Variants in MSTO1 observed in about 807,000 individuals in gnomAD.
MSTO1 encodes protein misato homolog 1.
A neutral mutation model predicts 55.7 loss-of-function variants in MSTO1; 24 were observed. That is an observed-to-expected ratio of 0.43 (90% CI 0.31 to 0.61). The LOEUF is 0.61. Ranked by LOEUF, MSTO1 falls within the 20% of genes least tolerant of loss-of-function variation. MSTO1 has a pLI of 0.09. For synonymous variants in MSTO1, 162 were observed against 252.8 expected, an observed-to-expected ratio of 0.64 and a Z score of 3.41; for missense variants, 363 against 625.7, an observed-to-expected ratio of 0.58 and a Z score of 4.48.
At chr1:155,603,907 G>C in the MSTO1 span, among the ~76,000 whole-genome samples, 1 of 151,706 alleles carries the variant, frequency 6.6e-6, no homozygotes, top group Admixed American at 6.6e-5. Flanking sequence ...TTTTTTGGTA[G>C]AAGTTCTTTT....
chr1:155,579,557 T>C, the MSTO1 span, among the ~76,000 whole-genome samples: 1 of 152,150 alleles, frequency 6.6e-6, no homozygotes, highest in Admixed American at 6.6e-5. Flanking sequence ...GAGTCAAACA[T>C]AGATTTCAAT....
chr1:155,611,544 C>T lies in MSTO1; in HGVS notation c.367-5C>T, dbSNP rs759667113. On this transcript the variant is annotated splice_region_variant and splice_polypyrimidine_tract_variant and intron_variant, in intron 4 of 13. Transcript: ENST00000245564. ...CTAAATGTCGATTTTTCTGACCCCT[C>T]CCAGGGAGTGCTGAGTAGTGATGGT... 3.1e-6 allele frequency: 5 copies of T among 1,610,678 alleles called. No homozygotes were observed. Among genetic ancestry groups the T allele is most frequent in the Non-Finnish European group, 4.2e-6 (5 of 1,178,174 alleles).
rs1257806486 is a variant in MSTO1 at position 155,614,421 on chromosome 1, C to G, written c.*148C>G. 4.6e-5 allele frequency: 27 copies of G among 589,122 alleles called. No homozygotes were observed. Among genetic ancestry groups the G allele is most frequent in the Non-Finnish European group, 7.9e-5 (26 of 330,190 alleles). The allele number at this position is 589,122 out of a possible 1,614,324, so 36.5% of individuals were successfully genotyped here. A position where few individuals can be genotyped will look rare whatever the true frequency, so the allele number is the denominator to read the frequency against. ...ACATTTAGAAACACTGTGATTAGAC[C>G]ACAGAACAATAAATATGTGCCATCA... On this transcript the variant is annotated 3_prime_UTR_variant, in exon 14 of 14. Transcript: ENST00000245564.
In MSTO1 at chr1:155,614,443, A is replaced by G; in HGVS notation, c.*170A>G. 4 of 599,362 alleles carry G rather than the reference A, an allele frequency of 6.7e-6. No individual in the cohort carries two copies. The highest frequency in any genetic ancestry group is 1.2e-5 in the Non-Finnish European group (4 of 334,746). The allele number at this position is 599,362 out of a possible 1,614,324, so 37.1% of individuals were successfully genotyped here. Reference sequence around the variant, plus strand: ...GACCACAGAACAATAAATATGTGCCATCAGACCAAAAAAAAGTAGAGAAAG... The same window carrying G: ...GACCACAGAACAATAAATATGTGCCGTCAGACCAAAAAAAAGTAGAGAAAG... On this transcript the variant is annotated 3_prime_UTR_variant, in exon 14 of 14. Coordinates refer to ENST00000245564, the MANE Select transcript of MSTO1 (RefSeq NM_018116.4).
At chr1:155,575,798 T>A in the MSTO1 span, among the ~76,000 whole-genome samples, 142 of 131,504 alleles carry the variant, frequency 1.1e-3, 1 homozygote, top group African/African-American at 3.8e-3. Flanking sequence ...TATTTTATTT[T>A]TATTTATTTA....
the MSTO1 span, among the ~76,000 whole-genome samples, chr1:155,567,481 T>G: frequency 6.6e-6 from 1 of 151,822 alleles, no homozygotes; most frequent in East Asian, 1.9e-4. Flanking sequence ...CCGGCTAATT[T>G]TTTTGTATTT....
At chr1:155,566,803 T>C in the MSTO1 span, among the ~76,000 whole-genome samples, 1 of 151,680 alleles carries the variant, frequency 6.6e-6, no homozygotes, top group Non-Finnish European at 1.5e-5. Context: ...TTAGTAGAGA[T>C]GGGGTTTCTC....
At chr1:155,587,180 G>A in the MSTO1 span, among the ~76,000 whole-genome samples, 31,926 of 152,104 alleles carry the variant, frequency 0.21, 4,440 homozygotes, top group East Asian at 0.68. Flanking sequence ...CGTGGCTCAC[G>A]CTTGTAATCC....
chr1:155,612,657 T>C, intron 9 of MSTO1, 87 bp downstream of exon 9: 1 of 1,501,190 alleles, frequency 6.7e-7, no homozygotes. Context: ...ACTGGCTCTG[T>C]TCTTGAGGCC....
the MSTO1 span, among the ~76,000 whole-genome samples, chr1:155,590,292 AG>A: frequency 6.1e-3 from 929 of 152,146 alleles, 10 homozygotes; most frequent in African/African-American, 0.022. Context: ...CTTGTTGCAA[AG>A]GCCAGCACAG....
the MSTO1 span, among the ~76,000 whole-genome samples, chr1:155,570,143 A>G: frequency 1.3e-5 from 2 of 152,190 alleles, no homozygotes; most frequent in Non-Finnish European, 2.9e-5. Context: ...ATTGAGTCCT[A>G]AAATTCTAGA....
chr1:155,571,429 C>T, the MSTO1 span, among the ~76,000 whole-genome samples: 2 of 152,214 alleles, frequency 1.3e-5, no homozygotes, highest in East Asian at 1.9e-4. Context: ...CAAGATTGGA[C>T]ACCCCTGCTG....
the MSTO1 span, among the ~76,000 whole-genome samples, chr1:155,599,871 T>C: frequency 6.6e-6 from 1 of 152,312 alleles, no homozygotes; most frequent in Non-Finnish European, 1.5e-5. Flanking sequence ...CACATAAACA[T>C]CTCAATGCTT....
the MSTO1 span, chr1:155,563,366 A>C: frequency 2.2e-6 from 1 of 456,448 alleles, no homozygotes; most frequent in South Asian, 1.5e-5. Context: ...TGTACCGCTG[A>C]GGGAAAGGAG....
At chr1:155,595,689 T>A in the MSTO1 span, among the ~76,000 whole-genome samples, 1 of 151,400 alleles carries the variant, frequency 6.6e-6, no homozygotes, top group African/African-American at 2.4e-5. Flanking sequence ...GAGACACAGT[T>A]TCACCATGTT....
the MSTO1 span, among the ~76,000 whole-genome samples, chr1:155,568,399 CGG>C: frequency 1.6e-3 from 240 of 150,388 alleles, no homozygotes; most frequent in African/African-American, 5.7e-3. Flanking sequence ...TTATTTAAGA[CGG>C]AAGAAATTTG....
chr1:155,590,876 C>A, the MSTO1 span: 3 of 1,611,590 alleles, frequency 1.9e-6, no homozygotes, highest in South Asian at 2.2e-5. Flanking sequence ...AGTGTCAGGA[C>A]CCCTGAGGTG....
At chr1:155,611,659 G>C (rs1177437002) in intron 5 of MSTO1, 30 bp from the exon 6 acceptor site, 1 of 1,232,388 alleles carries the variant, frequency 8.1e-7, no homozygotes, top group East Asian at 2.4e-5. Flanking sequence ...GAAACATGGA[G>C]AAAGGTACAT....
the MSTO1 span, among the ~76,000 whole-genome samples, chr1:155,588,135 G>A: frequency 6.6e-6 from 1 of 151,530 alleles, no homozygotes; most frequent in Admixed American, 6.6e-5. Context: ...CTTTAGCCTG[G>A]GAGGCGGAGG....
Sources: gnomAD v4.1 joint callset for allele counts (sites outside exome capture counted in the v4.1 genomes callset) on GRCh38, gnomAD v4.1.1 for gene constraint, MANE v1.5 for transcripts, NCBI Gene and HGNC (gene_info 2026-07-23, HGNC 2026-07-21) for gene names.